The following ZNRF3 variants were observed in gnomAD, a reference collection of about 807,000 sequenced individuals.
The protein encoded by ZNRF3 is zinc and ring finger 3.
ZNRF3 carries 23 observed loss-of-function variants against 72.5 expected under a neutral mutation model. The observed-to-expected ratio is 0.32, with a 90% CI of 0.23 to 0.45. ZNRF3 has a LOEUF of 0.45. Among genes scored for constraint, ZNRF3 ranks in the 20% least tolerant of loss-of-function variants. The probability of loss-of-function intolerance (pLI) is 1.00; values close to 1 mark genes in which losing one functional copy is unlikely to be tolerated. For missense variants in ZNRF3, 1,169 were observed against 1,272.1 expected, an observed-to-expected ratio of 0.92 and a Z score of 1.23; for synonymous variants, 610 against 545.3, an observed-to-expected ratio of 1.12 and a Z score of -1.65.
Position 28,883,743 on chromosome 22 carries a change from T to G in ZNRF3, c.-24T>G. 1.5e-6 allele frequency: 1 copy of G among 688,362 alleles called. No individual in the cohort carries two copies. Among genetic ancestry groups the G allele is most frequent in the Non-Finnish European group, 1.8e-6 (1 of 565,582 alleles). 42.6% of individuals were successfully genotyped at this position (688,362 alleles called of 1,614,324 possible). A position where few individuals can be genotyped will look rare whatever the true frequency, so the allele number is the denominator to read the frequency against. ...CGACTATGCCCGGCCGCGCCCGCCCTCCGCGCCCTCCCGCCGCAGGACCAT... is the reference window on the plus strand; with the variant it reads ...CGACTATGCCCGGCCGCGCCCGCCCGCCGCGCCCTCCCGCCGCAGGACCAT... On this transcript the variant is annotated 5_prime_UTR_variant, in exon 1 of 9. Transcript: ENST00000544604. The surrounding 1 kb of genome is among the most constrained non-coding windows in gnomAD (Gnocchi z 5.5).
intron 1 of ZNRF3, among the ~76,000 whole-genome samples, chr22:28,970,993 A>G (rs536164883): frequency 6.6e-6 from 1 of 152,144 alleles, no homozygotes; most frequent in Non-Finnish European, 1.5e-5. Context: ...TTATCAGTAA[A>G]TGATTAGTTT....
intron 1 of ZNRF3, among the ~76,000 whole-genome samples, chr22:28,900,083 C>G (rs2034075331): frequency 6.6e-6 from 1 of 152,160 alleles, no homozygotes; most frequent in South Asian, 2.1e-4. Flanking sequence ...CTTCTTCTCT[C>G]AACTCCTGCC....
Position 28,904,940 on chromosome 22 carries a change from C to CTTT in ZNRF3, c.300+20887_300+20889dup, listed in dbSNP as rs563812107. Among the ~76,000 whole-genome samples, 333 of 139,574 alleles carry CTTT rather than the reference C, an allele frequency of 2.4e-3. 10 individuals carry two copies. In the East Asian group the frequency reaches 0.061, roughly 26 times the overall value. 91.6% of individuals were successfully genotyped at this position (139,574 alleles called of 152,430 possible). A position where few individuals can be genotyped will look rare whatever the true frequency, so the allele number is the denominator to read the frequency against. On this transcript the variant is annotated intron_variant, in intron 1 of 8. Coordinates refer to ENST00000544604, the MANE Select transcript of ZNRF3 (RefSeq NM_001206998.2). ...AGACCTGGGCATTGTGTGAAAGTGT[C>CTTT]TTTTTTTTTTTTTTTCTGAGACAGG...
chr22:29,044,539 T>C (rs989991970), intron 4 of ZNRF3, among the ~76,000 whole-genome samples: 10 of 152,232 alleles, frequency 6.6e-5, no homozygotes, highest in African/African-American at 2.4e-4. Context: ...AGAGTTCCCT[T>C]GGCTCTTGGG....
intron 2 of ZNRF3, among the ~76,000 whole-genome samples, chr22:29,023,687 A>T (rs543379206): frequency 1.1e-4 from 16 of 152,314 alleles, no homozygotes; most frequent in Middle Eastern, 6.8e-3. Flanking sequence ...TCAGTCATTT[A>T]TTCCATGTGG....
At chr22:29,029,926 C>T (rs2036713574) in intron 2 of ZNRF3, among the ~76,000 whole-genome samples, 1 of 152,168 alleles carries the variant, frequency 6.6e-6, no homozygotes, top group Non-Finnish European at 1.5e-5. Flanking sequence ...TTGCCATATG[C>T]ATTGAAGGGG....
chr22:28,920,135 A>ATT (rs57977785), intron 1 of ZNRF3, among the ~76,000 whole-genome samples: 11 of 146,016 alleles, frequency 7.5e-5, no homozygotes, highest in East Asian at 6.1e-4. Flanking sequence ...ATGCCCAGCT[A>ATT]TTTTTTTTTT....
At chr22:28,951,468 C>A (rs1023312172) in intron 1 of ZNRF3, among the ~76,000 whole-genome samples, 1 of 152,170 alleles carries the variant, frequency 6.6e-6, no homozygotes, top group South Asian at 2.1e-4. Context: ...AGCCAAGAAA[C>A]ACCAAAGACT....
At chr22:29,020,784 T>G (rs1038744746) in intron 2 of ZNRF3, among the ~76,000 whole-genome samples, 1 of 145,158 alleles carries the variant, frequency 6.9e-6, no homozygotes, top group Non-Finnish European at 1.5e-5. Flanking sequence ...TGGGTGTGTG[T>G]GTGTGTGTGT....
intron 1 of ZNRF3, among the ~76,000 whole-genome samples, chr22:28,976,102 T>G (rs985133453): frequency 7.2e-5 from 11 of 152,348 alleles, no homozygotes; most frequent in Admixed American, 4.6e-4. Context: ...TCTGCCCCAC[T>G]TTGTCACTAT....
At chr22:28,987,784 T>TGGCCAACAGAGAGACCCTCTCTCAAAAA (rs2035882998) in intron 2 of ZNRF3, among the ~76,000 whole-genome samples, 1 of 151,940 alleles carries the variant, frequency 6.6e-6, no homozygotes, top group African/African-American at 2.4e-5. Flanking sequence ...TGCTGCCAAG[T>TGGCCAACAGAGAGACCCTCTCTCAAAAA]AAGTTATGGG....
chr22:29,052,554 G>A (rs895914966), intron 8 of ZNRF3, among the ~76,000 whole-genome samples: 6 of 152,166 alleles, frequency 3.9e-5, no homozygotes, highest in Non-Finnish European at 7.3e-5. Context: ...TTAGCCGGGC[G>A]TGGTGGCGTG....
intron 1 of ZNRF3, among the ~76,000 whole-genome samples, chr22:28,912,823 C>T (rs550302197): frequency 6.6e-6 from 1 of 152,144 alleles, no homozygotes; most frequent in East Asian, 1.9e-4. Context: ...CACCACCACA[C>T]CCAGCTAATT....
rs1215822119 is a variant in ZNRF3 at position 29,054,185 on chromosome 22, A to T, written c.*563A>T. On this transcript the variant is annotated 3_prime_UTR_variant, in exon 9 of 9. Transcript: ENST00000544604. ...TACAGGCTCTGAGGAGCAGTGCAAA[A>T]CTGCCTCTTTCTTTCTCGTGGCAAA... 6.6e-6 allele frequency: 1 copy of T among 152,248 alleles called. No homozygotes were observed. Among genetic ancestry groups the T allele is most frequent in the Non-Finnish European group, 1.5e-5 (1 of 68,120 alleles). 9.4% of individuals were successfully genotyped at this position (152,248 alleles called of 1,614,324 possible).
chr22:28,936,870 A>C (rs1410491550), intron 1 of ZNRF3, among the ~76,000 whole-genome samples: 1 of 152,108 alleles, frequency 6.6e-6, no homozygotes, highest in Non-Finnish European at 1.5e-5. Flanking sequence ...AAGGAGTCTC[A>C]GAATGTAGTA....
rs1381700038 is a variant in ZNRF3 at position 29,053,601 on chromosome 22, C to T, written c.2790C>T (p.Asp930=). Residue 930 remains aspartate (D), a synonymous_variant, in exon 9 of 9, where the codon GAC becomes GAT. Coordinates refer to ENST00000544604, the MANE Select transcript of ZNRF3 (RefSeq NM_001206998.2). ...CAGGACCGAGATCTCACTCAGCAGACAGCAGCAGCCCGGGAGCCTGAGCTC... is the reference window on the plus strand; with the variant it reads ...CAGGACCGAGATCTCACTCAGCAGATAGCAGCAGCCCGGGAGCCTGAGCTC... The part of the protein sequence containing the change: ...EAAGPRSHSA[D]SSSPGA 6 of 1,613,716 alleles carry T rather than the reference C, an allele frequency of 3.7e-6. No homozygotes were observed. The Admixed American group carries it at 1.0e-4, about 27-fold the overall frequency.
chr22:29,031,280 C>T (rs76218604), intron 2 of ZNRF3: 18,026 of 152,192 alleles, frequency 0.12, 1,498 homozygotes, highest in African/African-American at 0.23. Flanking sequence ...TACAAATTAC[C>T]CAAGAACCAC....
At chr22:28,992,600 C>T (rs964478673) in intron 2 of ZNRF3, 15 of 152,166 alleles carry the variant, frequency 9.9e-5, no homozygotes, top group African/African-American at 3.6e-4. Context: ...TCAGCTGTAC[C>T]CTGGGGGCTG....
chr22:28,930,058 G>A (rs946822281), intron 1 of ZNRF3, among the ~76,000 whole-genome samples: 45 of 152,152 alleles, frequency 3.0e-4, no homozygotes, highest in African/African-American at 8.2e-4. Context: ...GAACAAATAC[G>A]TATAAACACT....
Sources: allele counts gnomAD v4.1 joint callset (sites outside exome capture counted in the v4.1 genomes callset), GRCh38; gene constraint gnomAD v4.1.1; non-coding constraint Gnocchi (gnomAD v3.1); transcripts MANE v1.5; gene names NCBI Gene and HGNC (gene_info 2026-07-23, HGNC 2026-07-21).